Variants in FAM53A observed in about 807,000 individuals in gnomAD.
FAM53A encodes protein FAM53A.
In FAM53A, 28 loss-of-function variants were observed where a neutral mutation model predicts 26.6. The ratio of observed to expected loss-of-function variants is 1.05; its 90% CI spans 0.78 to 1.45. The LOEUF (loss-of-function observed/expected upper bound fraction) is 1.45. FAM53A is among the 40% of genes most tolerant of loss of function. The pLI is 0.00. For synonymous variants in FAM53A, 290 were observed against 253.1 expected, an observed-to-expected ratio of 1.15 and a Z score of -1.38; for missense variants, 650 against 575.8, an observed-to-expected ratio of 1.13 and a Z score of -1.32.
chr4:1,668,403 G>A (rs1714394561), intron 2 of FAM53A, among the ~76,000 whole-genome samples: 2 of 152,192 alleles, frequency 1.3e-5, no homozygotes, highest in African/African-American at 2.4e-5. Flanking sequence ...GCCTCCCAAA[G>A]TGCTGGGATT....
chr4:1,636,782 G>A (rs1295252306), downstream of FAM53A, among the ~76,000 whole-genome samples: 3 of 152,234 alleles, frequency 2.0e-5, no homozygotes, highest in Admixed American at 1.3e-4. Context: ...ACCAGGCATC[G>A]GGAGGCCACG....
intron 4 of FAM53A, among the ~76,000 whole-genome samples, chr4:1,649,184 G>T (rs576850129): frequency 2.4e-3 from 354 of 148,094 alleles, no homozygotes; most frequent in African/African-American, 8.6e-3. Flanking sequence ...AAAGGGAAGG[G>T]GAAGGGGAAG....
chr4:1,597,438 C>T, the FAM53A span, among the ~76,000 whole-genome samples: 1 of 152,120 alleles, frequency 6.6e-6, no homozygotes, highest in African/African-American at 2.4e-5. Context: ...GGTTCTTCCT[C>T]GGGGCCAGGC....
At position 1,659,239 on chromosome 4, in the gene FAM53A, G is replaced by A. The variant is rs534909869; in HGVS notation, c.76-1771C>T. Reference sequence around the variant, plus strand: ...TCCAGGTTCTCCCACCCCGGGACCCGGGTCCGATGGAAGAGAGGAGAGGCA... The same window carrying A: ...TCCAGGTTCTCCCACCCCGGGACCCAGGTCCGATGGAAGAGAGGAGAGGCA... On this transcript the variant is annotated intron_variant, in intron 2 of 4. Coordinates refer to ENST00000308132, the MANE Select transcript of FAM53A (RefSeq NM_001174070.3). The surrounding 1 kb of genome is among the most constrained non-coding windows in gnomAD (Gnocchi z 5.2). 3.3e-5 allele frequency among the ~76,000 whole-genome samples: 5 copies of A among 152,136 alleles called. No homozygotes were observed. The highest frequency in any genetic ancestry group is 2.1e-4 in the South Asian group (1 of 4,828).
At chr4:1,614,726 G>A (rs575937997), downstream of FAM53A, among the ~76,000 whole-genome samples, 3 of 152,248 alleles carry the variant, frequency 2.0e-5, no homozygotes, top group East Asian at 1.9e-4. Flanking sequence ...AGCTCCGTCC[G>A]CCAATCAATA....
intron 2 of FAM53A, among the ~76,000 whole-genome samples, chr4:1,661,484 G>A (rs80355600): frequency 0.26 from 39,924 of 152,088 alleles, 6,103 homozygotes; most frequent in Middle Eastern, 0.46. Context: ...GCCCCAACGC[G>A]CTGAATGACC....
intron 1 of FAM53A, among the ~76,000 whole-genome samples, chr4:1,627,067 T>C (rs145141298): frequency 1 from 152,063 of 152,308 alleles, 75,909 homozygotes; most frequent in Middle Eastern, 1. Context: ...AGCGTGGCCA[T>C]GTGGACGCAG....
chr4:1,635,951 C>A (rs1456223344), downstream of FAM53A, among the ~76,000 whole-genome samples: 3 of 146,218 alleles, frequency 2.1e-5, no homozygotes, highest in Non-Finnish European at 3.0e-5. Flanking sequence ...TCACACCATT[C>A]TCCTGCCTCA....
the FAM53A span, among the ~76,000 whole-genome samples, chr4:1,577,324 C>G: frequency 1.3e-5 from 2 of 152,222 alleles, no homozygotes; most frequent in Non-Finnish European, 2.9e-5. Flanking sequence ...GAGGTCCTCT[C>G]CCAGACAGAG....
At chr4:1,615,243 ACATGGAAGACAGGATGTGGC>A (rs1714764169), downstream of FAM53A, among the ~76,000 whole-genome samples, 1 of 149,716 alleles carries the variant, frequency 6.7e-6, no homozygotes, top group Non-Finnish European at 1.5e-5. Flanking sequence ...GCCTGGGCAC[ACATGGAAGACAGGATGTGGC>A]CACGCCCACC....
chr4:1,658,577 T>A (rs1047208291), intron 2 of FAM53A, among the ~76,000 whole-genome samples: 45 of 152,168 alleles, frequency 3.0e-4, no homozygotes, highest in Non-Finnish European at 4.6e-4. Flanking sequence ...AGGGTCTCCC[T>A]CCCTGGAAGC....
At chr4:1,635,833 ATTCTTT>A (rs1312337399), downstream of FAM53A, among the ~76,000 whole-genome samples, 1 of 134,258 alleles carries the variant, frequency 7.4e-6, no homozygotes, top group Non-Finnish European at 1.6e-5. Context: ...TATAATACTA[ATTCTTT>A]TTTTTTTTTT....
chr4:1,654,354 T>C (rs1413368238), intron 4 of FAM53A, among the ~76,000 whole-genome samples: 2 of 152,198 alleles, frequency 1.3e-5, no homozygotes, highest in Non-Finnish European at 2.9e-5. Context: ...CTCAGTCCTG[T>C]TTCCTTCCTT....
intron 1 of FAM53A, among the ~76,000 whole-genome samples, chr4:1,627,055 C>A (rs1254310506): frequency 6.6e-6 from 1 of 152,192 alleles, no homozygotes; most frequent in African/African-American, 2.4e-5. Context: ...GGCACAGGAC[C>A]AAGCGTGGCC....
chr4:1,588,714 G>T, the FAM53A span, among the ~76,000 whole-genome samples: 2 of 152,194 alleles, frequency 1.3e-5, no homozygotes, highest in African/African-American at 4.8e-5. Context: ...CCCTGAGCCA[G>T]AACCACCCAA....
At position 1,659,374 on chromosome 4, in the gene FAM53A, G is replaced by T. The variant is rs973412008; in HGVS notation, c.76-1906C>A. Reference sequence around the variant, plus strand: ...AGCACCAGGACCTCGCTCTCCTCCTGTTCCGCACAGCACCCGTTCCCCGGG... The same window carrying T: ...AGCACCAGGACCTCGCTCTCCTCCTTTTCCGCACAGCACCCGTTCCCCGGG... On this transcript the variant is annotated intron_variant, in intron 2 of 4. Coordinates refer to ENST00000308132, the MANE Select transcript of FAM53A (RefSeq NM_001174070.3). The surrounding 1 kb of genome is among the most constrained non-coding windows in gnomAD (Gnocchi z 5.2). Among the ~76,000 whole-genome samples, 2 of 152,248 alleles carry T rather than the reference G, an allele frequency of 1.3e-5. No homozygotes were observed. The highest frequency in any genetic ancestry group is 4.8e-5 in the African/African-American group (2 of 41,460).
chr4:1,621,853 G>A (rs1048931150), intron 1 of FAM53A, among the ~76,000 whole-genome samples: 1 of 152,222 alleles, frequency 6.6e-6, no homozygotes, highest in Non-Finnish European at 1.5e-5. Context: ...CCACTGTGGG[G>A]TGAATGCGTC....
intron 1 of FAM53A, among the ~76,000 whole-genome samples, chr4:1,622,907 C>G (rs529244583): frequency 6.6e-6 from 1 of 152,252 alleles, no homozygotes; most frequent in Non-Finnish European, 1.5e-5. Context: ...GGAGGCCACA[C>G]GCACACGGCC....
Position 1,641,134 on chromosome 4 carries a change from T to A in FAM53A, c.*159A>T. 1.7e-6 allele frequency: 1 copy of A among 603,750 alleles called. No homozygotes were observed. The highest frequency in any genetic ancestry group is 3.1e-5 in the Admixed American group (1 of 32,268). The allele number at this position is 603,750 out of a possible 1,614,324, so 37.4% of individuals were successfully genotyped here. A position where few individuals can be genotyped will look rare whatever the true frequency, so the allele number is the denominator to read the frequency against. On this transcript the variant is annotated 3_prime_UTR_variant, in exon 5 of 5. Transcript: ENST00000308132. ...AACCTACTCTGTGCCCCAGGGCAGG[T>A]GCCGGCGGCAGCCGTGGCCCCGACC...
Sources: allele counts gnomAD v4.1 joint callset (sites outside exome capture counted in the v4.1 genomes callset), GRCh38; gene constraint gnomAD v4.1.1; non-coding constraint Gnocchi (gnomAD v3.1); transcripts MANE v1.5; gene names NCBI Gene and HGNC (gene_info 2026-07-23, HGNC 2026-07-21).